The following RGS12 variants were observed in gnomAD, a reference collection of about 807,000 sequenced individuals.
RGS12 encodes the protein regulator of G-protein signaling 12.
A neutral mutation model predicts 120.1 loss-of-function variants in RGS12; 66 were observed. The observed-to-expected ratio is 0.55, with a 90% CI of 0.45 to 0.67. The LOEUF is 0.67. Ranked by LOEUF, RGS12 falls within the 30% of genes least tolerant of loss-of-function variation. The pLI, the probability that RGS12 is intolerant of heterozygous loss-of-function variation, is 0.00. For missense variants in RGS12, 1,859 were observed against 1,957.7 expected (o/e 0.95, Z 0.95); for synonymous variants, 827 against 804.7 (o/e 1.03, Z -0.47).
In RGS12 at chr4:3,403,757, G is replaced by A. The variant is rs73792026; in HGVS notation, c.2021-10315G>A. Among the ~76,000 whole-genome samples the A allele has an allele frequency of 5.1e-3, 773 of 152,288 alleles. 7 individuals are homozygous for A. Among genetic ancestry groups the A allele is most frequent in the African/African-American group, 0.018 (731 of 41,552 alleles). ...TTGCCCGACATGTCCTCCTTCCTCC[G>A]CAAGCCAGCCCCTCACAGGGATTCC... On this transcript the variant is annotated intron_variant, in intron 4 of 17. Transcript: ENST00000336727.
intron 3 of RGS12, among the ~76,000 whole-genome samples, chr4:3,348,963 G>T (rs1287147508): frequency 6.6e-6 from 1 of 152,178 alleles, no homozygotes; most frequent in Non-Finnish European, 1.5e-5. Flanking sequence ...AACCTCATAC[G>T]AGGGAAATTA....
rs1376698115 is a variant in RGS12 at position 3,372,244 on chromosome 4, G to T, written c.1999-14172G>T. ...CAGGGTGCCCTGCTGTGGGGTGGCCGCTCTGGGCTGGGGGGCTGCTGCAGC... is the reference window on the plus strand; with the variant it reads ...CAGGGTGCCCTGCTGTGGGGTGGCCTCTCTGGGCTGGGGGGCTGCTGCAGC... On this transcript the variant is annotated intron_variant, in intron 3 of 17. Transcript: ENST00000336727. The surrounding 1 kb of genome is among the most constrained non-coding windows in gnomAD (Gnocchi z 4.3). Among the ~76,000 whole-genome samples the T allele has an allele frequency of 6.6e-6, 1 of 152,152 alleles. No individual in the cohort carries two copies. Among genetic ancestry groups the T allele is most frequent in the Non-Finnish European group, 1.5e-5 (1 of 68,000 alleles).
rs544523646 is a variant in RGS12, at chr4:3,414,769, A to G, written c.2208A>G (p.Glu736=). 6.4e-5 allele frequency: 103 copies of G among 1,611,404 alleles called. 1 individual carries two copies. The South Asian group carries it at 9.8e-4, about 15-fold the overall frequency. The part of the protein sequence containing the change: ...VRYFSDFLRK[E]FSEENILFWQ... Reference sequence around the variant, plus strand: ...TTTCTTAGGATTTTCTAAGGAAAGAATTCAGTGAAGAAAACATTTTATTCT... The same window carrying G: ...TTTCTTAGGATTTTCTAAGGAAAGAGTTCAGTGAAGAAAACATTTTATTCT... Residue 736 remains glutamate (E), a synonymous_variant, in exon 6 of 18, where the codon GAA becomes GAG. Coordinates refer to ENST00000336727, the MANE Select transcript of RGS12 (RefSeq NM_001394154.1).
intron 4 of RGS12, among the ~76,000 whole-genome samples, chr4:3,392,640 C>G (rs765012635): frequency 6.6e-6 from 1 of 152,150 alleles, no homozygotes. Context: ...TTTAGCAGTT[C>G]CTTCTATTTT....
chr4:3,320,121 C>T (rs1725078292), intron 2 of RGS12, among the ~76,000 whole-genome samples: 1 of 152,228 alleles, frequency 6.6e-6, no homozygotes, highest in Admixed American at 6.5e-5. Flanking sequence ...GGCACCTTCA[C>T]CTGCTTTCTC....
chr4:3,355,521 G>A (rs370479387), intron 3 of RGS12, among the ~76,000 whole-genome samples: 1 of 152,128 alleles, frequency 6.6e-6, no homozygotes, highest in Non-Finnish European at 1.5e-5. Context: ...CAAAAGTCCC[G>A]TGGTGGCTCA....
upstream of RGS12, among the ~76,000 whole-genome samples, chr4:3,291,547 A>G (rs1157443483): frequency 1.3e-5 from 2 of 152,068 alleles, no homozygotes; most frequent in Non-Finnish European, 2.9e-5. Context: ...GGGTTTTGCC[A>G]TCTTGCCCAG....
chr4:3,427,816 C>T (rs1028107128), intron 14 of RGS12, among the ~76,000 whole-genome samples: 4 of 152,138 alleles, frequency 2.6e-5, no homozygotes, highest in Admixed American at 2.0e-4. Context: ...AATATTTATG[C>T]CAAATAGTAT....
At chr4:3,334,450 G>A (rs1712219125) in intron 2 of RGS12, among the ~76,000 whole-genome samples, 1 of 152,118 alleles carries the variant, frequency 6.6e-6, no homozygotes, top group South Asian at 2.1e-4. Context: ...TAATTTTAAA[G>A]TCTGTGTTTG....
upstream of RGS12, among the ~76,000 whole-genome samples, chr4:3,292,820 T>A (rs1560631478): frequency 6.6e-6 from 1 of 151,868 alleles, no homozygotes; most frequent in Non-Finnish European, 1.5e-5. Flanking sequence ...CCTCGCTTCT[T>A]CTCATCCCTG....
intron 1 of RGS12, among the ~76,000 whole-genome samples, chr4:3,311,907 T>TTCCAC (rs2110388433): frequency 6.6e-6 from 1 of 152,332 alleles, no homozygotes; most frequent in African/African-American, 2.4e-5. Context: ...AGTGGGGACC[T>TTCCAC]TCGTGTCACA....
chr4:3,338,254 T>G lies in RGS12; in HGVS notation c.1882-4683T>G, dbSNP rs187207208. 5.2e-4 allele frequency among the ~76,000 whole-genome samples: 79 copies of G among 152,310 alleles called. 1 individual carries two copies. The highest frequency in any genetic ancestry group is 2.4e-3 in the Admixed American group (37 of 15,304). ...TTTGTATTTTTAGTAGAGACAGGGT[T>G]TCTCCATGTTGGTCAGGCTGGTCTC... On this transcript the variant is annotated intron_variant, in intron 2 of 17. Transcript: ENST00000336727.
intron 1 of RGS12, among the ~76,000 whole-genome samples, chr4:3,307,158 G>A (rs189833665): frequency 3.3e-5 from 5 of 152,312 alleles, no homozygotes; most frequent in East Asian, 1.9e-4. Context: ...ATGTGTTGCC[G>A]CTGGCTGCTT....
chr4:3,324,166 A>G (rs1421666568), intron 2 of RGS12: 1 of 152,916 alleles, frequency 6.5e-6, no homozygotes, highest in African/African-American at 2.4e-5. Flanking sequence ...TGAAGGCGAC[A>G]GTGGAGCAGA....
Position 3,400,707 on chromosome 4 carries a change from CTTA to C in RGS12, c.2021-13361_2021-13359del, listed in dbSNP as rs1005799877. Among the ~76,000 whole-genome samples the C allele has an allele frequency of 8.4e-4, 125 of 148,182 alleles. 1 individual carries two copies. Among genetic ancestry groups the C allele is most frequent in the Admixed American group, 2.7e-3 (40 of 14,802 alleles). ...GTATTAGTATTAGTAATACTAATTG[CTTA>C]TTAGTATTAGTAATACTCATTAGTA... On this transcript the variant is annotated intron_variant, in intron 4 of 17. Transcript: ENST00000336727.
At chr4:3,423,103 T>C in intron 12 of RGS12, 125 bp downstream of exon 12, 41 of 344,050 alleles carry the variant, frequency 1.2e-4, no homozygotes, top group East Asian at 8.6e-4. Flanking sequence ...CGATGGGGTG[T>C]CGGGGCGGGG....
intron 1 of RGS12, among the ~76,000 whole-genome samples, chr4:3,298,107 G>C (rs1723480732): frequency 6.6e-6 from 1 of 152,146 alleles, no homozygotes; most frequent in Non-Finnish European, 1.5e-5. Flanking sequence ...CCTGCCTCAA[G>C]CTCATAGAAG....
intron 2 of RGS12, among the ~76,000 whole-genome samples, chr4:3,333,343 C>G (rs1712087151): frequency 6.6e-6 from 1 of 152,182 alleles, no homozygotes; most frequent in Admixed American, 6.5e-5. Context: ...GCTACCGTGC[C>G]CGGCCTGGTC....
chr4:3,358,786 T>C (rs916619488), intron 3 of RGS12, among the ~76,000 whole-genome samples: 1 of 151,940 alleles, frequency 6.6e-6, no homozygotes, highest in South Asian at 2.1e-4. Context: ...GGTCTCTAGT[T>C]TTCTTGTATT....
Sources: allele counts gnomAD v4.1 joint callset (sites outside exome capture counted in the v4.1 genomes callset), GRCh38; gene constraint gnomAD v4.1.1; non-coding constraint Gnocchi (gnomAD v3.1); transcripts MANE v1.5; gene names NCBI Gene and HGNC (gene_info 2026-07-23, HGNC 2026-07-21).